Variants in ZNF649 observed in about 807,000 individuals in gnomAD.
ZNF649 encodes zinc finger protein 649.
In ZNF649, 7 loss-of-function variants were observed where a neutral mutation model predicts 14.1. The ratio of observed to expected loss-of-function variants is 0.49; its 90% CI spans 0.28 to 0.93. ZNF649 has a LOEUF of 0.93. Ranked by LOEUF, ZNF649 falls within the 40% of genes least tolerant of loss-of-function variation. The pLI, the probability that ZNF649 is intolerant of heterozygous loss-of-function variation, is 0.10. For missense variants in ZNF649, 544 were observed against 608.1 expected, an observed-to-expected ratio of 0.89 and a Z score of 1.11; for synonymous variants, 227 against 212.3, an observed-to-expected ratio of 1.07 and a Z score of -0.60.
Position 51,900,179 on chromosome 19 carries a change from T to C in ZNF649, c.-72A>G. 1 of 1,354,132 alleles carries C rather than the reference T, an allele frequency of 7.4e-7. No homozygotes were observed. The highest frequency in any genetic ancestry group is 9.7e-7 in the Non-Finnish European group (1 of 1,025,938). The allele number at this position is 1,354,132 out of a possible 1,614,324, so 83.9% of individuals were successfully genotyped here. On this transcript the variant is annotated 5_prime_UTR_variant, in exon 2 of 5. Coordinates refer to ENST00000354957, the MANE Select transcript of ZNF649 (RefSeq NM_023074.4). ...TGGTTTCTTCTGGATCCTCCCTAAA[T>C]TTTGGCTAAGAAATCTGAGTCTCCA...
In ZNF649 at chr19:51,891,875, A is replaced by T; in HGVS notation, c.261T>A (p.His87Gln). Residue 87 changes from histidine (H) to glutamine (Q), a missense_variant, in exon 5 of 5, where the codon CAT (histidine) becomes CAA (glutamine). His to Gln is a conservative substitution (Grantham distance 24). Coordinates refer to ENST00000354957, the MANE Select transcript of ZNF649 (RefSeq NM_023074.4). The surrounding 1 kb of genome is among the most constrained non-coding windows in gnomAD (Gnocchi z 4.2). ...AHPEIEKADD[H>Q]LQQPLQNQKI... Reference sequence around the variant, plus strand: ...TTTGGTTTTGCAAGGGCTGCTGCAGATGATCATCAGCTTTCTCAATTTCTA... The same window carrying T: ...TTTGGTTTTGCAAGGGCTGCTGCAGTTGATCATCAGCTTTCTCAATTTCTA... The T allele has an allele frequency of 6.4e-7, 1 of 1,569,206 alleles. No individual in the cohort carries two copies. Among genetic ancestry groups the T allele is most frequent in the East Asian group, 2.2e-5 (1 of 44,678 alleles).
intron 1 of ZNF649, chr19:51,903,995 G>C (rs2085109142): frequency 6.6e-6 from 1 of 152,332 alleles, no homozygotes; most frequent in Non-Finnish European, 1.5e-5. Flanking sequence ...TGTAACAATA[G>C]CTGAGTGGTG....
chr19:51,892,421 G>T (rs1362982815), intron 4 of ZNF649, among the ~76,000 whole-genome samples: 3 of 152,024 alleles, frequency 2.0e-5, no homozygotes, highest in Non-Finnish European at 4.4e-5. Context: ...GCTCATGCCT[G>T]TAATCCCAGC....
chr19:51,891,761 G>C lies in ZNF649; in HGVS notation c.375C>G (p.Asn125Lys). 6.2e-7 allele frequency: 1 copy of C among 1,613,986 alleles called. No individual in the cohort carries two copies. Among genetic ancestry groups the C allele is most frequent in the African/African-American group, 1.3e-5 (1 of 75,022 alleles). The part of the protein sequence containing the change: ...LGLTNQSRRY[N>K]RKEPAEFNGD... ...CATTAAACTCAGCAGGCTCCTTTCT[G>C]TTGTATCTTCTGCTCTGGTTGGTTA... The change falls in exon 5 of 5, where the codon AAC becomes AAG. Residue 125 changes from asparagine to lysine, a missense_variant. Transcript: ENST00000354957. This position sits in a 1 kb window ranked among gnomAD's most constrained non-coding sequence, Gnocchi z 4.2.
At position 51,891,260 on chromosome 19, in the gene ZNF649, G is replaced by A. The variant is rs144823530; in HGVS notation, c.876C>T (p.Cys292=). 243 of 1,614,112 alleles carry A rather than the reference G, an allele frequency of 1.5e-4. No individual in the cohort carries two copies. Among genetic ancestry groups the A allele is most frequent in the Non-Finnish European group, 2.0e-4 (234 of 1,180,046 alleles). The part of the protein sequence containing the change: ...RIHTGIKPHQ[C]SECGRAFSRK... ...TGGAGAAAGCTCTCCCACATTCGCT[G>A]CATTGATGGGGCTTAATTCCCGTGT... Residue 292 remains cysteine, a synonymous_variant, in exon 5 of 5, where the codon TGC becomes TGT. Coordinates refer to ENST00000354957, the MANE Select transcript of ZNF649 (RefSeq NM_023074.4). This position sits in a 1 kb window ranked among gnomAD's most constrained non-coding sequence, Gnocchi z 4.2.
Position 51,890,409 on chromosome 19 carries a change from C to T in ZNF649, c.*209G>A, listed in dbSNP as rs755610553. ...AAGTGGAAGCCTCTAAAACTGCCCCCCTCCCCAGCCAAACTCTATGATCAA... is the reference window on the plus strand; with the variant it reads ...AAGTGGAAGCCTCTAAAACTGCCCCTCTCCCCAGCCAAACTCTATGATCAA... On this transcript the variant is annotated 3_prime_UTR_variant, in exon 5 of 5. Transcript: ENST00000354957. The T allele has an allele frequency of 8.1e-6, 4 of 492,204 alleles. No homozygotes were observed. The highest frequency in any genetic ancestry group is 1.4e-5 in the Non-Finnish European group (4 of 281,416). 30.5% of individuals were successfully genotyped at this position (492,204 alleles called of 1,614,324 possible). A position where few individuals can be genotyped will look rare whatever the true frequency, so the allele number is the denominator to read the frequency against.
chr19:51,891,551 C>T lies in ZNF649; in HGVS notation c.585G>A (p.Glu195=). The change falls in exon 5 of 5, where the codon GAG becomes GAA. Residue 195 remains glutamate (E), a synonymous_variant. Transcript: ENST00000354957. The surrounding 1 kb of genome is among the most constrained non-coding windows in gnomAD (Gnocchi z 4.2). ...TCTTTCCTGTATGAATTCTCTTATG[C>T]TCAGTGAGCTGAGACTTCTTGAGGA... The part of the protein sequence containing the change: ...KAFLKKSQLT[E]HKRIHTGKKP... The T allele has an allele frequency of 6.2e-7, 1 of 1,614,166 alleles. No individual in the cohort carries two copies. Among genetic ancestry groups the T allele is most frequent in the East Asian group, 2.2e-5 (1 of 44,874 alleles).
At chr19:51,895,622 G>GT (rs1242818549) in intron 4 of ZNF649, among the ~76,000 whole-genome samples, 9 of 152,166 alleles carry the variant, frequency 5.9e-5, no homozygotes, top group African/African-American at 2.2e-4. Context: ...GATTACAGGT[G>GT]TGAGCCACCA....
Position 51,903,533 on chromosome 19 carries a change from T to C in ZNF649, c.-188+1381A>G, listed in dbSNP as rs1247111193. Among the ~76,000 whole-genome samples the C allele has an allele frequency of 3.2e-4, 49 of 152,228 alleles. 1 individual carries two copies. The highest frequency in any genetic ancestry group is 1.5e-5 in the Non-Finnish European group (1 of 68,014). On this transcript the variant is annotated intron_variant, in intron 1 of 4. Coordinates refer to ENST00000354957, the MANE Select transcript of ZNF649 (RefSeq NM_023074.4). ...ATACATTTCTTATAAATCGTAACAA[T>C]CATAGCTAGGCGCGATGGCTCATGC...
In ZNF649 at chr19:51,890,976, G is replaced by C. The variant is rs1252920094; in HGVS notation, c.1160C>G (p.Ser387Ter). The C allele has an allele frequency of 6.2e-7, 1 of 1,613,740 alleles. No individual in the cohort carries two copies. Among genetic ancestry groups the C allele is most frequent in the Non-Finnish European group, 8.5e-7 (1 of 1,179,952 alleles). Residue 387 changes from serine to a stop codon, truncating the protein, a stop_gained, in exon 5 of 5, where the codon TCA becomes TGA. Transcript: ENST00000354957. LOFTEE classifies it low-confidence loss of function (END_TRUNC). ...PECGQPCSQK[S>*]GLIRHQKIHS... ...AATTTTCTGATGTCTAATGAGTCCTGACTTCTGTGAACAGGGTTGCCCACA... is the reference window on the plus strand; with the variant it reads ...AATTTTCTGATGTCTAATGAGTCCTCACTTCTGTGAACAGGGTTGCCCACA...
intron 4 of ZNF649, chr19:51,896,182 C>G (rs868173169): frequency 6.8e-5 from 19 of 279,964 alleles, no homozygotes; most frequent in Admixed American, 9.4e-5. Context: ...GATCCTCTGA[C>G]AAGTGATGAA....
Position 51,890,814 on chromosome 19 carries a change from T to C in ZNF649, c.1322A>G (p.Tyr441Cys). 2.5e-6 allele frequency: 4 copies of C among 1,614,240 alleles called. No homozygotes were observed. The highest frequency in any genetic ancestry group is 3.4e-6 in the Non-Finnish European group (4 of 1,180,042). Reference sequence around the variant, plus strand: ...CTTATGTTTAACAAGGCAAGACATATAGAAGTAAGCTTTCTCACACTCATC... The same window carrying C: ...CTTATGTTTAACAAGGCAAGACATACAGAAGTAAGCTTTCTCACACTCATC... ...GCDECEKAYF[Y>C]MSCLVKHKRI... Residue 441 changes from tyrosine to cysteine, a missense_variant, in exon 5 of 5, where the codon TAT (tyrosine) becomes TGT (cysteine). Coordinates refer to ENST00000354957, the MANE Select transcript of ZNF649 (RefSeq NM_023074.4).
intron 4 of ZNF649, 81 bp downstream of exon 4, chr19:51,896,391 T>G: frequency 7.8e-7 from 1 of 1,285,640 alleles, no homozygotes; most frequent in East Asian, 2.3e-5. Flanking sequence ...CCTAGACACT[T>G]TCACAACTGT....
At position 51,890,722 on chromosome 19, in the gene ZNF649, T is replaced by C; in HGVS notation, c.1414A>G (p.Ser472Gly). 1 of 1,614,260 alleles carries C rather than the reference T, an allele frequency of 6.2e-7. No individual in the cohort carries two copies. Among genetic ancestry groups the C allele is most frequent in the African/African-American group, 1.3e-5 (1 of 75,070 alleles). The change falls in exon 5 of 5, where the codon AGC becomes GGC. Residue 472 changes from serine to glycine, a missense_variant. Ser to Gly is a moderately conservative substitution (Grantham distance 56, BLOSUM62 0). Coordinates refer to ENST00000354957, the MANE Select transcript of ZNF649 (RefSeq NM_023074.4). The stretch of plus-strand genomic sequence containing the variant: ...TGCACATGTTCACTAGGACTTAAGC[T>C]GTGACTTGCTGTGGAAGGATTTTCC... ...KVENPSTASH[S>G]LSPSEHVQGK...
chr19:51,904,604 C>A (rs548399616), intron 1 of ZNF649, among the ~76,000 whole-genome samples: 171 of 151,814 alleles, frequency 1.1e-3, no homozygotes, highest in African/African-American at 4.0e-3. Context: ...TAAACTGCAG[C>A]ATTTGGAGTG....
chr19:51,896,914 G>C lies in ZNF649; in HGVS notation c.80C>G (p.Pro27Arg). Residue 27 changes from proline (P) to arginine (R), a missense_variant, in exon 3 of 5, where the codon CCT becomes CGT. Pro to Arg is a moderately radical substitution (Grantham distance 103). Coordinates refer to ENST00000354957, the MANE Select transcript of ZNF649 (RefSeq NM_023074.4). ...ATCCCGGTACAGGTCCTTCTGAGCA[G>C]GGCTCAGGAACTGCCACTCCTCCCA... ...FTWEEWQFLSPAQKDLYRDVM... is the reference protein window; with the variant it reads ...FTWEEWQFLSRAQKDLYRDVM... The C allele has an allele frequency of 6.2e-7, 1 of 1,614,166 alleles. No homozygotes were observed. Among genetic ancestry groups the C allele is most frequent in the East Asian group, 2.2e-5 (1 of 44,874 alleles).
rs140483602 is a variant in ZNF649, at chr19:51,899,378, C to G, written c.15+715G>C. On this transcript the variant is annotated intron_variant, in intron 2 of 4. Coordinates refer to ENST00000354957, the MANE Select transcript of ZNF649 (RefSeq NM_023074.4). Reference sequence around the variant, plus strand: ...CAACCCAAGCCATTGCCAAAGAGAACTTTCAACTCCCTTTGGTCAAATCTG... The same window carrying G: ...CAACCCAAGCCATTGCCAAAGAGAAGTTTCAACTCCCTTTGGTCAAATCTG... 1.5e-3 allele frequency among the ~76,000 whole-genome samples: 227 copies of G among 152,216 alleles called. 2 individuals carry two copies. Among genetic ancestry groups the G allele is most frequent in the African/African-American group, 5.3e-3 (219 of 41,558 alleles).
chr19:51,901,412 ATCAAGAGGTGGGCTT>A (rs2085093838), intron 1 of ZNF649, among the ~76,000 whole-genome samples: 1 of 152,202 alleles, frequency 6.6e-6, no homozygotes, highest in African/African-American at 2.4e-5. Flanking sequence ...ATGCAATGGT[ATCAAGAGGTGGGCTT>A]TTAGTAAGTG....
intron 2 of ZNF649, among the ~76,000 whole-genome samples, chr19:51,898,147 T>C (rs2085074755): frequency 1.4e-5 from 2 of 144,504 alleles, no homozygotes; most frequent in Admixed American, 1.4e-4. Context: ...TGACACCAAA[T>C]ACACAGTGTC....
Sources: allele counts gnomAD v4.1 joint callset (sites outside exome capture counted in the v4.1 genomes callset), GRCh38; gene constraint gnomAD v4.1.1; non-coding constraint Gnocchi (gnomAD v3.1); transcripts MANE v1.5; gene names NCBI Gene and HGNC (gene_info 2026-07-23, HGNC 2026-07-21).